The following MATR3 variants were observed in gnomAD, a reference collection of about 807,000 sequenced individuals.
MATR3 encodes matrin 3, also known as matrin-3.
MATR3 carries 4 observed loss-of-function variants against 85.5 expected under a neutral mutation model. That is an observed-to-expected ratio of 0.05 (90% CI 0.02 to 0.11). MATR3 has a LOEUF of 0.11. Ranked by LOEUF, MATR3 falls within the 10% of genes least tolerant of loss-of-function variation. The pLI, the probability that MATR3 is intolerant of heterozygous loss-of-function variation, is 1.00. For missense variants in MATR3, 685 were observed against 1,016.1 expected (o/e 0.67, Z 4.43); for synonymous variants, 336 against 343.1 (o/e 0.98, Z 0.23).
chr5:139,315,615 A>C, intron 3 of MATR3, 82 bp from the exon 4 acceptor site: 3 of 854,908 alleles, frequency 3.5e-6, no homozygotes, highest in Non-Finnish European at 6.1e-6. Flanking sequence ...CTAATAAATG[A>C]TCTCTATTTT....
rs1377073576 is a variant in MATR3, at chr5:139,331,369, TC to T, written c.*1975del. 2.2e-6 allele frequency: 1 copy of T among 454,162 alleles called. No individual in the cohort carries two copies. The highest frequency in any genetic ancestry group is 2.3e-5 in the Admixed American group (1 of 42,574). 28.1% of individuals were successfully genotyped at this position (454,162 alleles called of 1,614,324 possible). ...TAAAGCATTATGTGCACAATGGAGT[TC>T]TTCAGTGTTTCCTTTCAGTGATGGC... is the stretch of plus-strand genomic sequence containing the variant. On this transcript the variant is annotated 3_prime_UTR_variant, in exon 15 of 15. Transcript: ENST00000394805.
chr5:139,286,808 T>A (rs554724975), intron 3 of MATR3, among the ~76,000 whole-genome samples: 2 of 149,562 alleles, frequency 1.3e-5, no homozygotes, highest in African/African-American at 4.9e-5. Context: ...CATGCCACTA[T>A]ACTCCAGCCC....
intron 2 of MATR3, among the ~76,000 whole-genome samples, chr5:139,308,809 T>C (rs750344181): frequency 6.6e-6 from 1 of 152,184 alleles, no homozygotes; most frequent in Non-Finnish European, 1.5e-5. Context: ...TGTAGAGCCC[T>C]GGTGTTTGTT....
chr5:139,278,688 G>T, intron 2 of MATR3: 1 of 434,074 alleles, frequency 2.3e-6, no homozygotes, highest in South Asian at 1.7e-5. Context: ...GTGCTTCCAC[G>T]CCTGTTTTGC....
intron 6 of MATR3, 55 bp downstream of exon 6, chr5:139,317,160 T>G (rs1186209996): frequency 2.0e-6 from 3 of 1,538,394 alleles, no homozygotes; most frequent in Non-Finnish European, 2.7e-6. Context: ...GAATATGATT[T>G]GACCTAAATC....
At chr5:139,318,236 C>T (rs1755354430) in intron 7 of MATR3, among the ~76,000 whole-genome samples, 2 of 151,852 alleles carry the variant, frequency 1.3e-5, no homozygotes, top group East Asian at 1.9e-4. Flanking sequence ...TGTGTTCAAG[C>T]GATTCTCCTA....
chr5:139,292,593 A>G (rs981844554), upstream of MATR3, among the ~76,000 whole-genome samples: 2 of 152,114 alleles, frequency 1.3e-5, no homozygotes, highest in Non-Finnish European at 2.9e-5. Context: ...AGTCAAATTC[A>G]CCAAAAGGCG....
At chr5:139,292,391 A>T (rs909308126), upstream of MATR3, among the ~76,000 whole-genome samples, 1 of 152,194 alleles carries the variant, frequency 6.6e-6, no homozygotes, top group African/African-American at 2.4e-5. Context: ...AAAGCACTCC[A>T]TATTATAATC....
chr5:139,308,476 T>C, intron 2 of MATR3, 149 bp downstream of exon 2: 1 of 973,908 alleles, frequency 1.0e-6, no homozygotes, highest in South Asian at 1.4e-5. Context: ...TGGAAGGTAA[T>C]TGTTTTTGAG....
intron 1 of MATR3, among the ~76,000 whole-genome samples, chr5:139,302,387 T>C (rs1457624475): frequency 1.3e-5 from 2 of 152,194 alleles, no homozygotes; most frequent in African/African-American, 4.8e-5. Flanking sequence ...AAAATGTAGT[T>C]CTTCAGCATA....
intron 9 of MATR3, among the ~76,000 whole-genome samples, chr5:139,320,416 A>G (rs1446659708): frequency 6.6e-6 from 1 of 152,168 alleles, no homozygotes; most frequent in Non-Finnish European, 1.5e-5. Context: ...CCGCCCTGAC[A>G]ACATATTGAG....
At chr5:139,324,137 T>G (rs1437883423) in intron 12 of MATR3, among the ~76,000 whole-genome samples, 1 of 152,178 alleles carries the variant, frequency 6.6e-6, no homozygotes, top group Non-Finnish European at 1.5e-5. Context: ...ATTTATTAAT[T>G]TAATCCTCAC....
chr5:139,307,206 G>T lies in MATR3; in HGVS notation c.-177-33G>T. On this transcript the variant is annotated intron_variant, in intron 1 of 14. Coordinates refer to ENST00000394805, the MANE Select transcript of MATR3 (RefSeq NM_018834.6). The surrounding 1 kb of genome is among the most constrained non-coding windows in gnomAD (Gnocchi z 4.4). ...TAAAAAAACGGCATCTGCTTAAAGGGATTTATGACTAAAATTGCTTATTTT... is the reference window on the plus strand; with the variant it reads ...TAAAAAAACGGCATCTGCTTAAAGGTATTTATGACTAAAATTGCTTATTTT... 1 of 1,277,202 alleles carries T rather than the reference G, an allele frequency of 7.8e-7. No individual in the cohort carries two copies. The highest frequency in any genetic ancestry group is 9.9e-7 in the Non-Finnish European group (1 of 1,014,590). 79.1% of individuals were successfully genotyped at this position (1,277,202 alleles called of 1,614,324 possible).
At chr5:139,314,520 A>G in intron 2 of MATR3, 155 bp from the exon 3 acceptor site, 1 of 661,886 alleles carries the variant, frequency 1.5e-6, no homozygotes, top group Non-Finnish European at 2.8e-6. Flanking sequence ...ATTCAGAGAA[A>G]TGGTTTTAAA....
Position 139,320,743 on chromosome 5 carries a change from C to CTTTTT in MATR3, c.1603-1137_1603-1133dup, listed in dbSNP as rs1175972721. 7.6e-3 allele frequency among the ~76,000 whole-genome samples: 779 copies of CTTTTT among 102,412 alleles called. 39 individuals are homozygous for CTTTTT. The highest frequency in any genetic ancestry group is 0.036 in the African/African-American group (746 of 20,706). 67.2% of individuals were successfully genotyped at this position (102,412 alleles called of 152,430 possible). Reference sequence around the variant, plus strand: ...CTATTTTAATATCTTAAGCTTATTACTTTTTTTTTTTTTTTTTTTTTTGAG... The same window carrying CTTTTT: ...CTATTTTAATATCTTAAGCTTATTACTTTTTTTTTTTTTTTTTTTTTTTTTTTGAG... On this transcript the variant is annotated intron_variant, in intron 9 of 14. Coordinates refer to ENST00000394805, the MANE Select transcript of MATR3 (RefSeq NM_018834.6).
chr5:139,291,344 G>C (rs557156036), upstream of MATR3, among the ~76,000 whole-genome samples: 1 of 152,330 alleles, frequency 6.6e-6, no homozygotes, highest in East Asian at 1.9e-4. Context: ...TCTGCATAAA[G>C]TGTAAGCTCC....
intron 12 of MATR3, 103 bp downstream of exon 12, chr5:139,323,070 C>T (rs1388925952): frequency 8.6e-7 from 1 of 1,166,532 alleles, no homozygotes; most frequent in Non-Finnish European, 1.2e-6. Context: ...TGATTTAAAT[C>T]AGAAAATAAA....
In MATR3 at chr5:139,307,149, TA is replaced by T; in HGVS notation, c.-177-87del. On this transcript the variant is annotated intron_variant, in intron 1 of 14. Coordinates refer to ENST00000394805, the MANE Select transcript of MATR3 (RefSeq NM_018834.6). This position sits in a 1 kb window ranked among gnomAD's most constrained non-coding sequence, Gnocchi z 4.4. ...TTTGAGATCTTAAATGTTTTTTTTT[TA>T]AATCAACATGATGCATAAGTTTTTT... The T allele has an allele frequency of 2.2e-6, 2 of 918,376 alleles. No homozygotes were observed. Among genetic ancestry groups the T allele is most frequent in the Non-Finnish European group, 2.7e-6 (2 of 729,106 alleles). The allele number at this position is 918,376 out of a possible 1,614,324, so 56.9% of individuals were successfully genotyped here.
rs1466225711 is a variant in MATR3, at chr5:139,319,354, T to A, written c.1455T>A (p.Asp485Glu). The A allele has an allele frequency of 1.2e-6, 2 of 1,614,168 alleles. No homozygotes were observed. Among genetic ancestry groups the A allele is most frequent in the Non-Finnish European group, 1.7e-6 (2 of 1,180,042 alleles). ...TAAAGAAACCTGAAGGAAAGCCAGA[T>A]CAGAAGTTTGATCAAAAGCAAGAGC... ...KRIKKPEGKP[D>E]QKFDQKQELG... Residue 485 changes from aspartate to glutamate, a missense_variant, in exon 9 of 15, where the codon GAT becomes GAA. Coordinates refer to ENST00000394805, the MANE Select transcript of MATR3 (RefSeq NM_018834.6).
Sources: gnomAD v4.1 joint callset for allele counts (sites outside exome capture counted in the v4.1 genomes callset) on GRCh38, gnomAD v4.1.1 for gene constraint, Gnocchi (gnomAD v3.1) non-coding constraint, MANE v1.5 for transcripts, NCBI Gene and HGNC (gene_info 2026-07-23, HGNC 2026-07-21) for gene names.